TENM3: variants seen among roughly 807,000 people sequenced by gnomAD.
TENM3 encodes the protein teneurin transmembrane protein 3, also known as teneurin-3.
In TENM3, 63 loss-of-function variants were observed where a neutral mutation model predicts 255.1. The observed-to-expected ratio is 0.25, with a 90% CI of 0.20 to 0.30. The LOEUF is 0.30. Ranked by LOEUF, TENM3 falls within the 10% of genes least tolerant of loss-of-function variation. TENM3 has a pLI of 1.00. For missense variants in TENM3, 2,929 were observed against 3,461.1 expected, an observed-to-expected ratio of 0.85 and a Z score of 3.86; for synonymous variants, 1,306 against 1,322.3, an observed-to-expected ratio of 0.99 and a Z score of 0.27.
chr4:181,752,457 C>G, the TENM3 span, among the ~76,000 whole-genome samples: 1 of 152,000 alleles, frequency 6.6e-6, no homozygotes, highest in African/African-American at 2.4e-5. Flanking sequence ...GAAGCTGAGA[C>G]AGGGAAATTG....
chr4:182,066,771 C>G, the TENM3 span, among the ~76,000 whole-genome samples: 1 of 151,770 alleles, frequency 6.6e-6, no homozygotes, highest in Admixed American at 6.6e-5. Flanking sequence ...ATTAGCCGGG[C>G]GTGGTGGCAG....
At chr4:181,604,246 C>A in the TENM3 span, among the ~76,000 whole-genome samples, 2,299 of 152,126 alleles carry the variant, frequency 0.015, 38 homozygotes, top group South Asian at 0.068. Context: ...GCCTGGGCGA[C>A]AGAGCGAGAC....
At chr4:181,685,927 TGTTCTCAGGGTGTTA>T in the TENM3 span, among the ~76,000 whole-genome samples, 3 of 152,152 alleles carry the variant, frequency 2.0e-5, no homozygotes, top group Non-Finnish European at 2.9e-5. Flanking sequence ...TTTCAAATAT[TGTTCTCAGGGTGTTA>T]GTATTACTTG....
At chr4:181,839,026 G>A in the TENM3 span, among the ~76,000 whole-genome samples, 1 of 151,362 alleles carries the variant, frequency 6.6e-6, no homozygotes, top group Admixed American at 6.6e-5. Flanking sequence ...TTTTTCAACT[G>A]CATTCTACAA....
chr4:182,112,381 A>T, the TENM3 span, among the ~76,000 whole-genome samples: 1 of 151,964 alleles, frequency 6.6e-6, no homozygotes, highest in Non-Finnish European at 1.5e-5. Context: ...TGTGCACAAC[A>T]CTCATTTGAT....
In TENM3 at chr4:182,653,758, T is replaced by C. The variant is rs1753526074; in HGVS notation, c.989-13T>C. 1.2e-6 allele frequency: 2 copies of C among 1,601,830 alleles called. No individual in the cohort carries two copies. Among genetic ancestry groups the C allele is most frequent in the Non-Finnish European group, 1.7e-6 (2 of 1,174,296 alleles). On this transcript the variant is annotated splice_polypyrimidine_tract_variant and intron_variant, in intron 5 of 27. Coordinates refer to ENST00000511685, the MANE Select transcript of TENM3 (RefSeq NM_001080477.4). ...CAGCAGATCTTTAAACAACTTGTGTTCTTTACCCCCAGCAATGCATCTCTT... is the reference window on the plus strand; with the variant it reads ...CAGCAGATCTTTAAACAACTTGTGTCCTTTACCCCCAGCAATGCATCTCTT...
intron 1 of TENM3, among the ~76,000 whole-genome samples, chr4:182,226,289 A>G (rs755245300): frequency 2.6e-5 from 4 of 152,126 alleles, no homozygotes; most frequent in Non-Finnish European, 4.4e-5. Flanking sequence ...CTAAGAGTGA[A>G]TGAATGCACG....
At chr4:182,761,961 C>A (rs894072041) in intron 22 of TENM3, among the ~76,000 whole-genome samples, 3 of 152,138 alleles carry the variant, frequency 2.0e-5, no homozygotes, top group African/African-American at 7.2e-5. Flanking sequence ...CAAGCATTAA[C>A]CTGAACACTA....
At chr4:182,168,760 G>A (rs575596750) in intron 1 of TENM3, among the ~76,000 whole-genome samples, 3 of 152,134 alleles carry the variant, frequency 2.0e-5, no homozygotes, top group African/African-American at 7.2e-5. Flanking sequence ...ATTAATTTTG[G>A]AAATTTGTGT....
At chr4:182,082,575 A>G in the TENM3 span, among the ~76,000 whole-genome samples, 1 of 152,238 alleles carries the variant, frequency 6.6e-6, no homozygotes, top group Non-Finnish European at 1.5e-5. Context: ...CTGAGAAAGC[A>G]TGGGAGAAGT....
chr4:181,632,791 A>C, the TENM3 span, among the ~76,000 whole-genome samples: 1 of 152,218 alleles, frequency 6.6e-6, no homozygotes, highest in East Asian at 1.9e-4. Flanking sequence ...CTTCCATTTT[A>C]AAGGAGGCCG....
intron 19 of TENM3, chr4:182,744,090 T>G (rs925098922): frequency 5.8e-5 from 49 of 838,704 alleles, no homozygotes; most frequent in Non-Finnish European, 6.8e-5. Flanking sequence ...CTAACTGTGC[T>G]TTCTTTTTTT....
chr4:182,002,283 G>C, the TENM3 span, among the ~76,000 whole-genome samples: 2 of 152,090 alleles, frequency 1.3e-5, no homozygotes, highest in African/African-American at 4.8e-5. Context: ...AAACAAGTCA[G>C]AGTTGATGAA....
intron 5 of TENM3, chr4:182,631,514 A>G (rs934590419): frequency 1.3e-5 from 2 of 152,132 alleles, no homozygotes; most frequent in African/African-American, 4.8e-5. Flanking sequence ...CGTTGCCTTT[A>G]CCCTTGAAGA....
At chr4:181,663,272 G>T in the TENM3 span, among the ~76,000 whole-genome samples, 1 of 152,212 alleles carries the variant, frequency 6.6e-6, no homozygotes, top group East Asian at 1.9e-4. Flanking sequence ...GGGTTTGCCT[G>T]TGCTCCAGAG....
chr4:182,518,378 G>A (rs1016592369), intron 3 of TENM3, among the ~76,000 whole-genome samples: 3 of 152,134 alleles, frequency 2.0e-5, no homozygotes, highest in African/African-American at 7.2e-5. Context: ...TGGGAAAGGG[G>A]TTTGTAAGCA....
At chr4:182,728,529 G>T (rs189670972) in intron 13 of TENM3, among the ~76,000 whole-genome samples, 1 of 152,276 alleles carries the variant, frequency 6.6e-6, no homozygotes, top group African/African-American at 2.4e-5. Flanking sequence ...TACTGATGGG[G>T]ATATGTTCTG....
At chr4:182,432,093 A>G (rs1207193356) in intron 3 of TENM3, among the ~76,000 whole-genome samples, 1 of 151,884 alleles carries the variant, frequency 6.6e-6, no homozygotes, top group Non-Finnish European at 1.5e-5. Context: ...AAAAAAAAGA[A>G]AGAAAGAAAA....
At chr4:182,664,833 G>A (rs978697203) in intron 6 of TENM3, among the ~76,000 whole-genome samples, 51 of 152,198 alleles carry the variant, frequency 3.4e-4, no homozygotes, top group African/African-American at 1.1e-3. Flanking sequence ...AATCTATGAA[G>A]GCTGAGAGAG....
Sources: allele counts gnomAD v4.1 joint callset (sites outside exome capture counted in the v4.1 genomes callset), GRCh38; gene constraint gnomAD v4.1.1; transcripts MANE v1.5; gene names NCBI Gene and HGNC (gene_info 2026-07-23, HGNC 2026-07-21).